LARGE1: variants seen among roughly 807,000 people sequenced by gnomAD.
LARGE1 encodes the protein xylosyl- and glucuronyltransferase LARGE1.
Under a neutral mutation model 87.6 loss-of-function variants are expected in LARGE1, and 43 were observed. The ratio of observed to expected loss-of-function variants is 0.49; its 90% CI spans 0.38 to 0.63. The LOEUF (loss-of-function observed/expected upper bound fraction) is 0.63, where lower values mean the gene tolerates loss of function less well. Ranked by LOEUF, LARGE1 falls within the 30% of genes least tolerant of loss-of-function variation. The probability of loss-of-function intolerance (pLI) is 0.00; values close to 1 mark genes in which losing one functional copy is unlikely to be tolerated. For missense variants in LARGE1, 802 were observed against 1,000.2 expected, an observed-to-expected ratio of 0.80 and a Z score of 2.67; for synonymous variants, 434 against 394.6, an observed-to-expected ratio of 1.10 and a Z score of -1.18.
chr22:33,484,710 G>A (rs1022797275), intron 6 of LARGE1, among the ~76,000 whole-genome samples: 2 of 152,022 alleles, frequency 1.3e-5, no homozygotes, highest in African/African-American at 4.8e-5. Flanking sequence ...GCGCCCATCC[G>A]CCAACAGGTG....
At chr22:33,857,300 G>C (rs1211391895) in intron 1 of LARGE1, among the ~76,000 whole-genome samples, 1 of 152,188 alleles carries the variant, frequency 6.6e-6, no homozygotes, top group Non-Finnish European at 1.5e-5. Flanking sequence ...AAAAGGAACA[G>C]ACTCCCCTCA....
intron 12 of LARGE1, among the ~76,000 whole-genome samples, chr22:33,283,755 T>A (rs1337860646): frequency 7.1e-6 from 1 of 140,158 alleles, no homozygotes; most frequent in Non-Finnish European, 1.5e-5. Context: ...CCAGCCTGGG[T>A]GACAGAGATA....
chr22:33,356,913 G>T (rs1325751206), intron 9 of LARGE1, among the ~76,000 whole-genome samples: 2 of 152,210 alleles, frequency 1.3e-5, no homozygotes, highest in Non-Finnish European at 1.5e-5. Flanking sequence ...CTTATACACT[G>T]TTGGTGGGAA....
chr22:33,489,158 C>A (rs979998725), intron 6 of LARGE1, among the ~76,000 whole-genome samples: 3 of 152,264 alleles, frequency 2.0e-5, no homozygotes, highest in African/African-American at 7.2e-5. Flanking sequence ...CCTCGTGGAG[C>A]TTATACTGTA....
intron 1 of LARGE1, among the ~76,000 whole-genome samples, chr22:33,904,052 G>A (rs184072108): frequency 5.9e-5 from 9 of 152,016 alleles, no homozygotes; most frequent in Admixed American, 3.9e-4. Flanking sequence ...GAATATTTTC[G>A]GCCATTCTGT....
chr22:33,649,999 G>A (rs548409889), intron 3 of LARGE1, among the ~76,000 whole-genome samples: 1 of 152,182 alleles, frequency 6.6e-6, no homozygotes, highest in African/African-American at 2.4e-5. Flanking sequence ...ACAACTCCAG[G>A]TGTACCATTC....
intron 9 of LARGE1, among the ~76,000 whole-genome samples, chr22:33,374,509 A>G (rs1332087313): frequency 6.6e-6 from 1 of 152,174 alleles, no homozygotes; most frequent in Non-Finnish European, 1.5e-5. Context: ...CTTCACAGTA[A>G]CTTCTTATCA....
At chr22:33,352,752 A>C (rs563097900) in intron 9 of LARGE1, among the ~76,000 whole-genome samples, 11 of 152,052 alleles carry the variant, frequency 7.2e-5, no homozygotes, top group African/African-American at 2.7e-4. Context: ...ACAGAGCAAG[A>C]CTCCATTCCC....
At chr22:33,783,311 TA>T (rs2085486492) in intron 1 of LARGE1, among the ~76,000 whole-genome samples, 1 of 152,068 alleles carries the variant, frequency 6.6e-6, no homozygotes, top group South Asian at 2.1e-4. Context: ...CTGAGATATT[TA>T]AAAATTTGTT....
intron 11 of LARGE1, among the ~76,000 whole-genome samples, chr22:33,251,968 T>A (rs2145719484): frequency 6.6e-6 from 1 of 152,318 alleles, no homozygotes; most frequent in East Asian, 1.9e-4. Flanking sequence ...TCACAGAGCT[T>A]GCTGAAGTCT....
intron 11 of LARGE1, among the ~76,000 whole-genome samples, chr22:33,252,432 A>G (rs1927055309): frequency 6.6e-6 from 1 of 152,132 alleles, no homozygotes; most frequent in Non-Finnish European, 1.5e-5. Flanking sequence ...TTATTAATAC[A>G]TTCTGTGCCC....
At chr22:33,278,892 GTAT>G (rs1351917923) in intron 13 of LARGE1, among the ~76,000 whole-genome samples, 1 of 152,032 alleles carries the variant, frequency 6.6e-6, no homozygotes, top group Non-Finnish European at 1.5e-5. Flanking sequence ...GCTAATTTTT[GTAT>G]TTTTAGTAGA....
chr22:33,359,496 G>GA (rs1410509209), intron 9 of LARGE1, among the ~76,000 whole-genome samples: 1 of 151,516 alleles, frequency 6.6e-6, no homozygotes, highest in African/African-American at 2.4e-5. Context: ...ACTTCTGTAG[G>GA]ATAAACACAC....
chr22:33,836,618 C>T (rs569810970), intron 1 of LARGE1, among the ~76,000 whole-genome samples: 1 of 152,282 alleles, frequency 6.6e-6, no homozygotes, highest in East Asian at 1.9e-4. Context: ...CAGCTGCATT[C>T]CATGGCTTCG....
rs190169875 is a variant in LARGE1 at position 33,244,858 on chromosome 22, C to T, written c.1730+59371G>A. 6.6e-5 allele frequency among the ~76,000 whole-genome samples: 10 copies of T among 152,280 alleles called. No homozygotes were observed. The East Asian group carries it at 1.9e-3, about 29-fold the overall frequency. On this transcript the variant is annotated intron_variant, in intron 11 of 11. Coordinates refer to the LARGE1 transcript ENST00000608642. ...GAGGGGGAGGGGAAGTGGATAACAA[C>T]TCCAACAACTTGAACAGTGGCAAAA...
chr22:33,511,180 C>T lies in LARGE1; in HGVS notation c.787+53668G>A, dbSNP rs77765777. On this transcript the variant is annotated intron_variant, in intron 6 of 14. Coordinates refer to ENST00000397394, the MANE Select transcript of LARGE1 (RefSeq NM_133642.5). ...TGGCAGCTGTACTCAGGTATCTTCA[C>T]ACGCAGCTTTTACTGCTGCTATTTC... Among the ~76,000 whole-genome samples, 1,460 of 152,318 alleles carry T rather than the reference C, an allele frequency of 9.6e-3. 23 individuals carry two copies. The highest frequency in any genetic ancestry group is 0.032 in the African/African-American group (1,334 of 41,548).
intron 2 of LARGE1, among the ~76,000 whole-genome samples, chr22:33,750,183 G>A (rs2084259031): frequency 6.6e-6 from 1 of 152,184 alleles, no homozygotes; most frequent in South Asian, 2.1e-4. Context: ...AAACGACAGT[G>A]CAGGGATGAC....
At chr22:33,527,036 C>T (rs1334818287) in intron 6 of LARGE1, among the ~76,000 whole-genome samples, 1 of 152,204 alleles carries the variant, frequency 6.6e-6, no homozygotes, top group Admixed American at 6.5e-5. Context: ...GCGGGTGGAT[C>T]ACCTGAGGTC....
intron 1 of LARGE1, among the ~76,000 whole-genome samples, chr22:33,908,100 G>A (rs969163071): frequency 2.2e-4 from 34 of 152,172 alleles, no homozygotes; most frequent in Admixed American, 1.8e-3. Flanking sequence ...CTGCAGCACA[G>A]TATGACACTC....
Sources: gnomAD v4.1 joint callset for allele counts (sites outside exome capture counted in the v4.1 genomes callset) on GRCh38, gnomAD v4.1.1 for gene constraint, MANE v1.5 for transcripts, NCBI Gene and HGNC (gene_info 2026-07-23, HGNC 2026-07-21) for gene names.